Variants in PRSS23 observed in about 807,000 individuals in gnomAD.
The protein encoded by PRSS23 is serine protease 23.
In PRSS23, 25 loss-of-function variants were observed where a neutral mutation model predicts 34.7. The ratio of observed to expected loss-of-function variants is 0.72; its 90% CI spans 0.53 to 1.01. PRSS23 has a LOEUF of 1.01. PRSS23 is among the 50% of genes least tolerant of loss of function. The pLI is 0.00. For synonymous variants in PRSS23, 176 were observed against 186.6 expected (o/e 0.94, Z 0.46); for missense variants, 445 against 475.6 (o/e 0.94, Z 0.60).
At chr11:86,859,172 T>C (rs1948594802) in intron 2 of PRSS23, among the ~76,000 whole-genome samples, 1 of 151,958 alleles carries the variant, frequency 6.6e-6, no homozygotes, top group African/African-American at 2.4e-5. Context: ...GACACCCCCC[T>C]GTGATCTTGT....
At chr11:86,880,908 C>A (rs1440458210) in intron 2 of PRSS23, among the ~76,000 whole-genome samples, 1 of 152,174 alleles carries the variant, frequency 6.6e-6, no homozygotes, top group Non-Finnish European at 1.5e-5. Context: ...TTCAACCTTG[C>A]AGAATTTATT....
chr11:86,920,856 A>C (rs1949043298), intron 2 of PRSS23, among the ~76,000 whole-genome samples: 2 of 152,162 alleles, frequency 1.3e-5, no homozygotes, highest in African/African-American at 4.8e-5. Context: ...GTAGAAACAA[A>C]TGTCAGCATG....
intron 2 of PRSS23, chr11:86,947,968 T>C (rs942825232): frequency 6.6e-6 from 1 of 152,276 alleles, no homozygotes; most frequent in South Asian, 2.1e-4. Context: ...AATATACCTA[T>C]ACAAGTCACA....
chr11:86,879,912 C>T (rs1213206341), intron 2 of PRSS23, among the ~76,000 whole-genome samples: 1 of 151,122 alleles, frequency 6.6e-6, no homozygotes. Context: ...GTGAGGAGCC[C>T]CTCTGCCCGG....
chr11:86,884,696 A>G (rs1948791621), intron 2 of PRSS23, among the ~76,000 whole-genome samples: 1 of 152,238 alleles, frequency 6.6e-6, no homozygotes, highest in African/African-American at 2.4e-5. Flanking sequence ...TAAGCCTTCA[A>G]GATACGGCCA....
At chr11:86,870,117 G>C (rs185475486) in intron 2 of PRSS23, among the ~76,000 whole-genome samples, 1 of 152,154 alleles carries the variant, frequency 6.6e-6, no homozygotes, top group Non-Finnish European at 1.5e-5. Context: ...TCCCCAAATC[G>C]TTTTCACAGA....
intron 2 of PRSS23, among the ~76,000 whole-genome samples, chr11:86,929,694 A>T (rs1192398876): frequency 6.6e-6 from 1 of 152,212 alleles, no homozygotes; most frequent in Non-Finnish European, 1.5e-5. Context: ...GTTTCCAGGA[A>T]ATTATGCTTC....
chr11:86,838,224 A>G (rs755113704), intron 2 of PRSS23, among the ~76,000 whole-genome samples: 34 of 152,168 alleles, frequency 2.2e-4, no homozygotes, highest in Non-Finnish European at 4.4e-4. Flanking sequence ...CAGCACATCC[A>G]TCACCACCAA....
At chr11:86,906,587 A>C (rs1467845485) in intron 2 of PRSS23, among the ~76,000 whole-genome samples, 1 of 152,184 alleles carries the variant, frequency 6.6e-6, no homozygotes, top group Non-Finnish European at 1.5e-5. Flanking sequence ...CGAATCTCCA[A>C]ATGCTGAACT....
At chr11:86,950,831 ACTTCCTGGAATCTAGGCAGG>A in intron 2 of PRSS23, 1 of 442,356 alleles carries the variant, frequency 2.3e-6, no homozygotes, top group South Asian at 2.3e-5. Context: ...ATCGCCCTGG[ACTTCCTGGAATCTAGGCAGG>A]ACCTCCACGC....
At chr11:86,944,943 A>C (rs1481773687) in intron 2 of PRSS23, among the ~76,000 whole-genome samples, 1 of 152,218 alleles carries the variant, frequency 6.6e-6, no homozygotes, top group Non-Finnish European at 1.5e-5. Flanking sequence ...GCAATTTAAA[A>C]GCAAACCAAG....
At chr11:86,823,411 C>G (rs1469858268) in exon 2 of PRSS23, 5 of 702,206 alleles carry the variant, frequency 7.1e-6, no homozygotes, top group South Asian at 1.5e-5. Context: ...GACCTGTGTG[C>G]CAACCCTGGC....
intron 2 of PRSS23, among the ~76,000 whole-genome samples, chr11:86,914,017 G>A (rs1326777944): frequency 3.1e-5 from 4 of 129,200 alleles, no homozygotes; most frequent in African/African-American, 6.1e-5. Context: ...CCGGCCTGAC[G>A]AATGTGGTGA....
chr11:86,865,378 G>A (rs191803608), intron 2 of PRSS23, among the ~76,000 whole-genome samples: 34 of 152,296 alleles, frequency 2.2e-4, no homozygotes, highest in African/African-American at 7.7e-4. Context: ...CATATGCAAA[G>A]CGCCTGGTAC....
At chr11:86,911,444 A>G (rs1948977417) in intron 2 of PRSS23, 1 of 152,112 alleles carries the variant, frequency 6.6e-6, no homozygotes, top group South Asian at 2.1e-4. Context: ...AAAACTTCCA[A>G]CAGGTAGTTT....
chr11:86,797,935 A>T (rs1947991967), upstream of PRSS23, among the ~76,000 whole-genome samples: 1 of 152,226 alleles, frequency 6.6e-6, no homozygotes, highest in Admixed American at 6.5e-5. Flanking sequence ...GGTACCCCAT[A>T]GTCAGATGCC....
upstream of PRSS23, among the ~76,000 whole-genome samples, chr11:86,798,046 T>C (rs777431514): frequency 3.3e-5 from 5 of 152,156 alleles, no homozygotes; most frequent in Non-Finnish European, 5.9e-5. Context: ...GCTCAATATA[T>C]ATTTGTTGGA....
chr11:86,802,943 A>G (rs1389341040), intron 1 of PRSS23, among the ~76,000 whole-genome samples: 2 of 152,170 alleles, frequency 1.3e-5, no homozygotes, highest in East Asian at 3.8e-4. Context: ...AGTGGCTCAT[A>G]TTGAGTGATG....
intron 2 of PRSS23, among the ~76,000 whole-genome samples, chr11:86,888,010 C>T (rs1430116828): frequency 6.6e-6 from 1 of 151,430 alleles, no homozygotes; most frequent in Non-Finnish European, 1.5e-5. Flanking sequence ...CAAGATTGCG[C>T]CATTGCACTC....
Sources: gnomAD v4.1 joint callset for allele counts (sites outside exome capture counted in the v4.1 genomes callset) on GRCh38, gnomAD v4.1.1 for gene constraint, MANE v1.5 for transcripts, NCBI Gene and HGNC (gene_info 2026-07-23, HGNC 2026-07-21) for gene names.